Variants in POGLUT2 observed in about 807,000 individuals in gnomAD.
POGLUT2 encodes the protein ER protein 58.
POGLUT2 carries 47 observed loss-of-function variants against 57.6 expected under a neutral mutation model. The ratio of observed to expected loss-of-function variants is 0.82; its 90% CI spans 0.65 to 1.04. The LOEUF is 1.04. POGLUT2 is among the 50% of genes least tolerant of loss of function. The pLI is 0.00. For missense variants in POGLUT2, 565 were observed against 614.8 expected, an observed-to-expected ratio of 0.92 and a Z score of 0.86; for synonymous variants, 200 against 218.8, an observed-to-expected ratio of 0.91 and a Z score of 0.76.
In POGLUT2 at chr13:102,789,493, T is replaced by C. The variant is rs140441549; in HGVS notation, c.1084-272A>G. Among the ~76,000 whole-genome samples, 175 of 152,342 alleles carry C rather than the reference T, an allele frequency of 1.1e-3. 2 individuals carry two copies. The South Asian group carries it at 0.023, about 20-fold the overall frequency. On this transcript the variant is annotated intron_variant, in intron 6 of 9. Coordinates refer to ENST00000376004, the MANE Select transcript of POGLUT2 (RefSeq NM_024089.3). ...ATACTGCTGTCCTAAGGCTGCAACA[T>C]AAGGAAGGATGGATTCATTTGTGAC...
At chr13:102,788,508 C>A (rs145064823) in intron 7 of POGLUT2, among the ~76,000 whole-genome samples, 1 of 152,238 alleles carries the variant, frequency 6.6e-6, no homozygotes, top group South Asian at 2.1e-4. Context: ...TTGTTTGAGA[C>A]GGAGTTTTGC....
At chr13:102,787,336 C>T (rs951034822) in intron 8 of POGLUT2, among the ~76,000 whole-genome samples, 8 of 152,130 alleles carry the variant, frequency 5.3e-5, no homozygotes, top group Non-Finnish European at 1.2e-4. Context: ...TGTGAGCCAC[C>T]GCACCCGGCC....
At position 102,786,337 on chromosome 13, in the gene POGLUT2, T is replaced by C. The variant is rs776647820; in HGVS notation, c.1386A>G (p.Glu462=). Residue 462 remains glutamate (E), a splice_region_variant and synonymous_variant, in exon 9 of 10, where the codon GAA becomes GAG. Transcript: ENST00000376004. ...GCTCACTCACTTGTAAATTGGCATATTCCTGTTTAAGCAACAATATAAAAG... is the reference window on the plus strand; with the variant it reads ...GCTCACTCACTTGTAAATTGGCATACTCCTGTTTAAGCAACAATATAAAAG... ...IFCYYFKLFQ[E]YANLQVSEPQ... The C allele has an allele frequency of 6.2e-7, 1 of 1,603,942 alleles. No individual in the cohort carries two copies. Among genetic ancestry groups the C allele is most frequent in the Admixed American group, 1.7e-5 (1 of 60,004 alleles).
In POGLUT2 at chr13:102,790,057, C is replaced by G. The variant is rs574593201; in HGVS notation, c.1084-836G>C. Among the ~76,000 whole-genome samples, 25 of 152,318 alleles carry G rather than the reference C, an allele frequency of 1.6e-4. No individual in the cohort carries two copies. The South Asian group carries it at 5.0e-3, about 30-fold the overall frequency. On this transcript the variant is annotated intron_variant, in intron 6 of 9. Coordinates refer to ENST00000376004, the MANE Select transcript of POGLUT2 (RefSeq NM_024089.3). ...GGAATAAAGCCAAGGCAGGATGGAG[C>G]ACCCCTCCACTGAGGAAGGTTGGCT...
At position 102,786,274 on chromosome 13, in the gene POGLUT2, CTGT is replaced by C. The variant is rs1451886637; in HGVS notation, c.1446_1448del (p.Gln483del). On this transcript the variant is annotated inframe_deletion, in exon 9 of 10. Coordinates refer to ENST00000376004, the MANE Select transcript of POGLUT2 (RefSeq NM_024089.3). ...TACAAGGGAAGAGGTCGTCCTCAGT[CTGT>C]GGTTCTACCCTTTTCATGCCCTCTC... 1 of 1,614,072 alleles carries C rather than the reference CTGT, an allele frequency of 6.2e-7. No homozygotes were observed. Among genetic ancestry groups the C allele is most frequent in the Non-Finnish European group, 8.5e-7 (1 of 1,179,906 alleles).
rs1878254585 is a variant in POGLUT2 at position 102,793,276 on chromosome 13, A to T, written c.672+65T>A. On this transcript the variant is annotated intron_variant, in intron 4 of 9. Transcript: ENST00000376004. The stretch of plus-strand genomic sequence containing the variant: ...CTGATAGTGTATAATTTGTATTTTG[A>T]AAAATTATCCTGTAAAATCTGGGCT... The T allele has an allele frequency of 3.3e-6, 3 of 900,014 alleles. No homozygotes were observed. In the Admixed American group the frequency reaches 6.2e-5, roughly 18 times the overall value. The allele number at this position is 900,014 out of a possible 1,614,324, so 55.8% of individuals were successfully genotyped here.
In POGLUT2 at chr13:102,789,065, T is replaced by G; in HGVS notation, c.1240A>C (p.Asn414His). Residue 414 changes from asparagine to histidine, a missense_variant, in exon 7 of 10, where the codon AAC becomes CAC. Transcript: ENST00000376004. ...PWKHYIPVKS[N>H]LSDLLEKLKW... ...AGTTTTTCTAGCAGATCGCTCAGGTTGCTCTTAACTGGAATGTAGTGTTTC... is the reference window on the plus strand; with the variant it reads ...AGTTTTTCTAGCAGATCGCTCAGGTGGCTCTTAACTGGAATGTAGTGTTTC... 1 of 1,614,236 alleles carries G rather than the reference T, an allele frequency of 6.2e-7. No individual in the cohort carries two copies. The highest frequency in any genetic ancestry group is 8.5e-7 in the Non-Finnish European group (1 of 1,180,040).
At chr13:102,795,113 G>GGGGCA (rs1424318621) in intron 2 of POGLUT2, among the ~76,000 whole-genome samples, 1 of 151,636 alleles carries the variant, frequency 6.6e-6, no homozygotes, top group East Asian at 1.9e-4. Context: ...TTAGCCAGGT[G>GGGGCA]TTGTGGCGCG....
At position 102,793,046 on chromosome 13, in the gene POGLUT2, G is replaced by T. The variant is rs540998056; in HGVS notation, c.672+295C>A. 6.0e-5 allele frequency: 18 copies of T among 298,218 alleles called. No individual in the cohort carries two copies. In the Admixed American group the frequency reaches 8.4e-4, roughly 14 times the overall value. The allele number at this position is 298,218 out of a possible 1,614,324, so 18.5% of individuals were successfully genotyped here. A position where few individuals can be genotyped will look rare whatever the true frequency, so the allele number is the denominator to read the frequency against. ...CCGCTTTGACCTCCTAAAGTGCTAG[G>T]ATTACAGGCGTGAGCCATGGCACCT... On this transcript the variant is annotated intron_variant, in intron 4 of 9. Transcript: ENST00000376004.
Position 102,784,508 on chromosome 13 carries a change from T to C in POGLUT2, c.1496A>G (p.Lys499Arg), listed in dbSNP as rs371044194. The change falls in exon 10 of 10, where the codon AAA becomes AGA. Residue 499 changes from lysine to arginine, a missense_variant. Coordinates refer to ENST00000376004, the MANE Select transcript of POGLUT2 (RefSeq NM_024089.3). ...FPCTCHRKKT[K>R]DEL ...TTATTTTGCATATCAGAGTTCATCT[T>C]TGGTCTGCAATTAAGAAGCAAAATA... 3.2e-6 allele frequency: 5 copies of C among 1,546,422 alleles called. No individual in the cohort carries two copies. The African/African-American group carries it at 4.1e-5, about 13-fold the overall frequency.
intron 4 of POGLUT2, among the ~76,000 whole-genome samples, chr13:102,792,834 A>G (rs1878231837): frequency 6.6e-6 from 1 of 152,168 alleles, no homozygotes; most frequent in South Asian, 2.1e-4. Flanking sequence ...CTTGTCACCC[A>G]GGCCTTGGGA....
chr13:102,791,472 T>C lies in POGLUT2; in HGVS notation c.673-42A>G, dbSNP rs372269506. 22 of 1,513,030 alleles carry C rather than the reference T, an allele frequency of 1.5e-5. No individual in the cohort carries two copies. The African/African-American group carries it at 2.8e-4, about 19-fold the overall frequency. 93.7% of individuals were successfully genotyped at this position (1,513,030 alleles called of 1,614,324 possible). On this transcript the variant is annotated intron_variant, in intron 4 of 9. Coordinates refer to ENST00000376004, the MANE Select transcript of POGLUT2 (RefSeq NM_024089.3). ...GAGGAGCTTATTCACATTTCCTGCA[T>C]TGGATAATACATTGTATTTATCAAT...
At position 102,787,856 on chromosome 13, in the gene POGLUT2, C is replaced by T; in HGVS notation, c.1361G>A (p.Cys454Tyr). Residue 454 changes from cysteine (C) to tyrosine (Y), a missense_variant, in exon 8 of 10, where the codon TGT (cysteine) becomes TAT (tyrosine). Physicochemically the swap from Cys to Tyr is radical, Grantham distance 194. Transcript: ENST00000376004. Reference protein sequence around the residue: ...RNNLMGDDIFCYYFKLFQEYA... With the variant: ...RNNLMGDDIFYYYFKLFQEYA... ...GACCTGGAAAAGTTTGAAATAATAA[C>T]AGAATATGTCATCGCCCATGAGATT... 1 of 1,575,948 alleles carries T rather than the reference C, an allele frequency of 6.3e-7. No homozygotes were observed. Among genetic ancestry groups the T allele is most frequent in the Non-Finnish European group, 8.7e-7 (1 of 1,154,086 alleles).
chr13:102,792,709 T>C (rs1352474118), intron 4 of POGLUT2, among the ~76,000 whole-genome samples: 1 of 151,758 alleles, frequency 6.6e-6, no homozygotes, highest in Non-Finnish European at 1.5e-5. Context: ...ACACCAAAGA[T>C]GGAGGGCCAC....
At chr13:102,792,968 T>A (rs1014504507) in intron 4 of POGLUT2, among the ~76,000 whole-genome samples, 1 of 152,076 alleles carries the variant, frequency 6.6e-6, no homozygotes, top group African/African-American at 2.4e-5. Flanking sequence ...TAGAGACAGG[T>A]CTTCACCATG....
rs561221245 is a variant in POGLUT2 at position 102,798,877 on chromosome 13, G to A, written c.-207C>T. On this transcript the variant is annotated 5_prime_UTR_variant, in exon 1 of 10. Coordinates refer to ENST00000376004, the MANE Select transcript of POGLUT2 (RefSeq NM_024089.3). ...CCCGTGCCCCGGCGCGCCCAGGTGA[G>A]GGTCCCCTGGCGTTCTGCTGTCCCG... 1 of 490,656 alleles carries A rather than the reference G, an allele frequency of 2.0e-6. No homozygotes were observed. The highest frequency in any genetic ancestry group is 2.0e-5 in the African/African-American group (1 of 49,596). The allele number at this position is 490,656 out of a possible 1,614,324, so 30.4% of individuals were successfully genotyped here. A position where few individuals can be genotyped will look rare whatever the true frequency, so the allele number is the denominator to read the frequency against.
At chr13:102,787,777 T>C in intron 8 of POGLUT2, 57 bp downstream of exon 8, 1 of 888,636 alleles carries the variant, frequency 1.1e-6, no homozygotes, top group Non-Finnish European at 1.7e-6. Context: ...AAAATATTAT[T>C]TGTTCTTAAC....
chr13:102,796,835 T>A lies in POGLUT2; in HGVS notation c.357A>T (p.Gln119His). The part of the protein sequence containing the change: ...NLKVEIKFQG[Q>H]HVAKSPYILK... Reference sequence around the variant, plus strand: ...AAATATATGGGGATTTGGCCACATGTTGCCCTTGGAATTTAATTTCCACCT... The same window carrying A: ...AAATATATGGGGATTTGGCCACATGATGCCCTTGGAATTTAATTTCCACCT... The change falls in exon 2 of 10, where the codon CAA (glutamine) becomes CAT (histidine). Residue 119 changes from glutamine (Q) to histidine (H), a missense_variant. By Grantham distance (24) the Gln-to-His change is conservative. Coordinates refer to ENST00000376004, the MANE Select transcript of POGLUT2 (RefSeq NM_024089.3). 6.2e-7 allele frequency: 1 copy of A among 1,603,980 alleles called. No homozygotes were observed. Among genetic ancestry groups the A allele is most frequent in the Admixed American group, 1.7e-5 (1 of 59,990 alleles).
rs1878542955 is a variant in POGLUT2 at position 102,798,623 on chromosome 13, TG to T, written c.47del (p.Pro16GlnfsTer12). 2.5e-6 allele frequency: 4 copies of T among 1,611,612 alleles called. No homozygotes were observed. The highest frequency in any genetic ancestry group is 3.4e-6 in the Non-Finnish European group (4 of 1,179,040). On this transcript the variant is annotated frameshift_variant, in exon 1 of 10. Coordinates refer to ENST00000376004, the MANE Select transcript of POGLUT2 (RefSeq NM_024089.3). LOFTEE classifies it high-confidence loss of function. ...TTTCTCCGCCGGTCTCGGCGAGTGC[TG>T]GAACTGTCGCCAGAAAGAAGCAATA... ...LLYCFFLATVPALAETGGERQ... is the reference protein window; with the variant it reads ...LLYCFFLATVXALAETGGERQ...
Sources: gnomAD v4.1 joint callset for allele counts (sites outside exome capture counted in the v4.1 genomes callset) on GRCh38, gnomAD v4.1.1 for gene constraint, MANE v1.5 for transcripts, NCBI Gene and HGNC (gene_info 2026-07-23, HGNC 2026-07-21) for gene names.